Variants in SLC9A5 observed in about 807,000 individuals in gnomAD.
The protein encoded by SLC9A5 is sodium/hydrogen exchanger 5.
A neutral mutation model predicts 91.7 loss-of-function variants in SLC9A5; 52 were observed. The observed-to-expected ratio is 0.57, with a 90% CI of 0.45 to 0.71. The LOEUF (loss-of-function observed/expected upper bound fraction) is 0.71, where lower values mean the gene tolerates loss of function less well. Ranked by LOEUF, SLC9A5 falls within the 30% of genes least tolerant of loss-of-function variation. SLC9A5 has a pLI of 0.00. For missense variants in SLC9A5, 871 were observed against 1,158.9 expected, an observed-to-expected ratio of 0.75 and a Z score of 3.61; for synonymous variants, 419 against 474.5, an observed-to-expected ratio of 0.88 and a Z score of 1.52.
intron 15 of SLC9A5, among the ~76,000 whole-genome samples, chr16:67,267,490 T>G (rs914131588): frequency 1.3e-5 from 2 of 152,144 alleles, no homozygotes; most frequent in African/African-American, 4.8e-5. Context: ...CCCAAAATGC[T>G]GGGATTGCAG....
rs2035352745 is a variant in SLC9A5, at chr16:67,257,216, G to A, written c.1335+103G>A. ...CTTCTCTTCCCGCTGGGAGATGGAG[G>A]GCCCTGACTTCCCAGACCTTGAGTG... is the stretch of plus-strand genomic sequence containing the variant. On this transcript the variant is annotated intron_variant, in intron 7 of 15. Coordinates refer to ENST00000299798, the MANE Select transcript of SLC9A5 (RefSeq NM_004594.3). The surrounding 1 kb of genome is among the most constrained non-coding windows in gnomAD (Gnocchi z 5.1). 3 of 1,396,988 alleles carry A rather than the reference G, an allele frequency of 2.1e-6. No homozygotes were observed. The highest frequency in any genetic ancestry group is 3.0e-6 in the Non-Finnish European group (3 of 1,005,108). The allele number at this position is 1,396,988 out of a possible 1,614,324, so 86.5% of individuals were successfully genotyped here.
Position 67,271,332 on chromosome 16 carries a change from C to A in SLC9A5, c.*122C>A. On this transcript the variant is annotated 3_prime_UTR_variant, in exon 16 of 16. Coordinates refer to ENST00000299798, the MANE Select transcript of SLC9A5 (RefSeq NM_004594.3). ...GGCCTGGGTTGAAGTAGTAATTGGG[C>A]TTCCTTGGAGCTAGTCAGAGGGGTC... is the stretch of plus-strand genomic sequence containing the variant. 3 of 876,046 alleles carry A rather than the reference C, an allele frequency of 3.4e-6. No individual in the cohort carries two copies. Among genetic ancestry groups the A allele is most frequent in the Non-Finnish European group, 3.5e-6 (2 of 565,434 alleles). 54.3% of individuals were successfully genotyped at this position (876,046 alleles called of 1,614,324 possible).
chr16:67,258,177 T>C lies in SLC9A5; in HGVS notation c.1497-141T>C. 1 of 743,728 alleles carries C rather than the reference T, an allele frequency of 1.3e-6. No individual in the cohort carries two copies. The highest frequency in any genetic ancestry group is 2.2e-6 in the Non-Finnish European group (1 of 450,010). 46.1% of individuals were successfully genotyped at this position (743,728 alleles called of 1,614,324 possible). A position where few individuals can be genotyped will look rare whatever the true frequency, so the allele number is the denominator to read the frequency against. ...TTGTAAATTCCATGAGGGCAGGGAC[T>C]AGCCTTGAGATTCTCTCTGGCTGAG... On this transcript the variant is annotated intron_variant, in intron 9 of 15. Transcript: ENST00000299798. The surrounding 1 kb of genome is among the most constrained non-coding windows in gnomAD (Gnocchi z 4.5).
Position 67,256,724 on chromosome 16 carries a change from TCCTGTCCCGCCCCTC to T in SLC9A5, c.1132+40_1132+54del. On this transcript the variant is annotated intron_variant, in intron 6 of 15. Transcript: ENST00000299798. The surrounding 1 kb of genome is among the most constrained non-coding windows in gnomAD (Gnocchi z 4.1). ...GCACCCTCTGCTTTCCCACTCTCCT[TCCTGTCCCGCCCCTC>T]CCTGCAGCTCATCTCCCTATCTGAG... The T allele has an allele frequency of 6.5e-7, 1 of 1,531,224 alleles. No individual in the cohort carries two copies. The allele number at this position is 1,531,224 out of a possible 1,614,324, so 94.9% of individuals were successfully genotyped here.
Position 67,252,675 on chromosome 16 carries a change from C to T in SLC9A5, c.321C>T (p.Phe107=). Residue 107 remains phenylalanine, a synonymous_variant, in exon 2 of 16, where the codon TTC becomes TTT. Transcript: ENST00000299798. The surrounding 1 kb of genome is among the most constrained non-coding windows in gnomAD (Gnocchi z 4.0). ...KAEYQLEPGT[F]FLFLLPPIVL... Reference sequence around the variant, plus strand: ...AGTACCAGCTGGAGCCAGGCACCTTCTTCCTCTTCCTGCTGCCTCCTATTG... The same window carrying T: ...AGTACCAGCTGGAGCCAGGCACCTTTTTCCTCTTCCTGCTGCCTCCTATTG... 1 of 1,614,268 alleles carries T rather than the reference C, an allele frequency of 6.2e-7. No homozygotes were observed. The highest frequency in any genetic ancestry group is 8.5e-7 in the Non-Finnish European group (1 of 1,180,052).
rs149615427 is a variant in SLC9A5 at position 67,252,178 on chromosome 16, G to T, written c.188-364G>T. On this transcript the variant is annotated intron_variant, in intron 1 of 15. Coordinates refer to ENST00000299798, the MANE Select transcript of SLC9A5 (RefSeq NM_004594.3). The surrounding 1 kb of genome is among the most constrained non-coding windows in gnomAD (Gnocchi z 4.0). Reference sequence around the variant, plus strand: ...CAGTCTTAGAAGGTTGGCCAGGCGCGGTGGCTCACACCTGTAATCCCAGCA... The same window carrying T: ...CAGTCTTAGAAGGTTGGCCAGGCGCTGTGGCTCACACCTGTAATCCCAGCA... Among the ~76,000 whole-genome samples the T allele has an allele frequency of 8.9e-3, 1,358 of 152,218 alleles. 11 individuals carry two copies. The highest frequency in any genetic ancestry group is 0.012 in the Non-Finnish European group (808 of 68,000).
intron 11 of SLC9A5, 38 bp downstream of exon 11, chr16:67,259,699 C>G (rs755697458): frequency 6.3e-7 from 1 of 1,599,640 alleles, no homozygotes; most frequent in Non-Finnish European, 8.6e-7. Flanking sequence ...TCATACTCCT[C>G]TCCATTGTGC....
Position 67,259,926 on chromosome 16 carries a change from C to T in SLC9A5, c.1822C>T (p.Leu608Phe), listed in dbSNP as rs2035468078. Residue 608 changes from leucine (L) to phenylalanine (F), a missense_variant, in exon 12 of 16, where the codon CTC (leucine) becomes TTC (phenylalanine). This residue lies in a region of SLC9A5 where 454 missense variants were observed against 718.3 expected (regional missense o/e 0.63). Transcript: ENST00000299798. Reference sequence around the variant, plus strand: ...GATGCATCATCTGCTCTGCGGAGGCCTCTACAAGCCGCGCCGTAGGGTGAG... The same window carrying T: ...GATGCATCATCTGCTCTGCGGAGGCTTCTACAAGCCGCGCCGTAGGGTGAG... Reference protein sequence around the residue: ...AVMHHLLCGGLYKPRRRYKAS... With the variant: ...AVMHHLLCGGFYKPRRRYKAS... The T allele has an allele frequency of 6.2e-7, 1 of 1,613,992 alleles. No individual in the cohort carries two copies. Among genetic ancestry groups the T allele is most frequent in the Non-Finnish European group, 8.5e-7 (1 of 1,179,986 alleles).
chr16:67,262,009 C>T (rs560550971), intron 12 of SLC9A5: 50 of 310,650 alleles, frequency 1.6e-4, no homozygotes, highest in Non-Finnish European at 2.5e-4. Flanking sequence ...CCAATCGGTT[C>T]ATGTGTAGTC....
chr16:67,256,947 G>A lies in SLC9A5; in HGVS notation c.1169G>A (p.Arg390Gln), dbSNP rs534800900. 15 of 1,614,078 alleles carry A rather than the reference G, an allele frequency of 9.3e-6. No homozygotes were observed. Among genetic ancestry groups the A allele is most frequent in the Admixed American group, 1.7e-5 (1 of 60,034 alleles). The change falls in exon 7 of 16, where the codon CGG (arginine) becomes CAG (glutamine). Residue 390 changes from arginine (R) to glutamine (Q), a missense_variant. Transcript: ENST00000299798. This position sits in a 1 kb window ranked among gnomAD's most constrained non-coding sequence, Gnocchi z 4.1. ...CAGACCTGGGTGCTGAATCAGTTCC[G>A]GCTAGTCCCTCTGGACAAGATTGAC... ...VLQTWVLNQF[R>Q]LVPLDKIDQV...
chr16:67,261,210 C>T (rs926480514), intron 12 of SLC9A5: 4 of 152,206 alleles, frequency 2.6e-5, no homozygotes, highest in African/African-American at 9.7e-5. Flanking sequence ...TGCTATTTCT[C>T]TTCCCACAGC....
chr16:67,270,859 C>A lies in SLC9A5; in HGVS notation c.2340C>A (p.Thr780=), dbSNP rs2035893536. 1 of 1,614,114 alleles carries A rather than the reference C, an allele frequency of 6.2e-7. No individual in the cohort carries two copies. Among genetic ancestry groups the A allele is most frequent in the Non-Finnish European group, 8.5e-7 (1 of 1,180,020 alleles). Residue 780 remains threonine (T), a synonymous_variant, in exon 16 of 16, where the codon ACC becomes ACA. Coordinates refer to ENST00000299798, the MANE Select transcript of SLC9A5 (RefSeq NM_004594.3). This position sits in a 1 kb window ranked among gnomAD's most constrained non-coding sequence, Gnocchi z 4.3. ...DLAVYVSSET[T]KIVPVDMQTG... ...CAGTGTACGTGTCCTCGGAAACCAC[C>A]AAGATTGTGCCTGTGGACATGCAGA...
In SLC9A5 at chr16:67,264,202, G is replaced by T. The variant is rs925075555; in HGVS notation, c.1843-150G>T. The T allele has an allele frequency of 2.0e-5, 13 of 662,788 alleles. No homozygotes were observed. In the South Asian group the frequency reaches 2.3e-4, roughly 12 times the overall value. The allele number at this position is 662,788 out of a possible 1,614,324, so 41.1% of individuals were successfully genotyped here. ...CAGGGTCTCTGGCTGGGTTCCTGTT[G>T]TATTTTTTGTTTTGTTTTTCAATCC... On this transcript the variant is annotated intron_variant, in intron 12 of 15. Transcript: ENST00000299798.
rs1370372020 is a variant in SLC9A5 at position 67,256,020 on chromosome 16, G to A, written c.911+90G>A. ...AGGGACACAGGCAGGAACTTCAGGA[G>A]TCCATAGGTTTCCCTGAGCCCTTGT... On this transcript the variant is annotated intron_variant, in intron 5 of 15. Coordinates refer to ENST00000299798, the MANE Select transcript of SLC9A5 (RefSeq NM_004594.3). This position sits in a 1 kb window ranked among gnomAD's most constrained non-coding sequence, Gnocchi z 4.1. 7.2e-7 allele frequency: 1 copy of A among 1,385,764 alleles called. No homozygotes were observed. The highest frequency in any genetic ancestry group is 1.4e-5 in the African/African-American group (1 of 70,002). 85.8% of individuals were successfully genotyped at this position (1,385,764 alleles called of 1,614,324 possible).
rs1351343813 is a variant in SLC9A5 at position 67,255,910 on chromosome 16, C to T, written c.891C>T (p.Ala297=). 1.1e-5 allele frequency: 17 copies of T among 1,613,504 alleles called. No homozygotes were observed. The highest frequency in any genetic ancestry group is 1.4e-5 in the Non-Finnish European group (16 of 1,179,890). The change falls in exon 5 of 16, where the codon GCC becomes GCT. Residue 297 remains alanine (A), a synonymous_variant. Coordinates refer to ENST00000299798, the MANE Select transcript of SLC9A5 (RefSeq NM_004594.3). This position sits in a 1 kb window ranked among gnomAD's most constrained non-coding sequence, Gnocchi z 4.9. The stretch of plus-strand genomic sequence containing the variant: ...CAGCCTACCTCACTGCTGAAATGGC[C>T]TCGCTCTCCGCCATTCTTGCGTGAG... ...AYAAYLTAEM[A]SLSAILAVTM...
At chr16:67,268,677 TA>T (rs1425423278) in intron 15 of SLC9A5, among the ~76,000 whole-genome samples, 1 of 48,534 alleles carries the variant, frequency 2.1e-5, no homozygotes, top group African/African-American at 1.2e-4. Flanking sequence ...TATATATATA[TA>T]TATATATATA....
At position 67,256,218 on chromosome 16, in the gene SLC9A5, G is replaced by A. The variant is rs900831776; in HGVS notation, c.912-251G>A. Among the ~76,000 whole-genome samples the A allele has an allele frequency of 2.0e-5, 3 of 152,184 alleles. No individual in the cohort carries two copies. The highest frequency in any genetic ancestry group is 7.2e-5 in the African/African-American group (3 of 41,446). The stretch of plus-strand genomic sequence containing the variant: ...TGGAGGCCGCAGCACTCCAGAAGGT[G>A]CATTAGAGAGCCCGCTAGTCAGAGC... On this transcript the variant is annotated intron_variant, in intron 5 of 15. Transcript: ENST00000299798. This position sits in a 1 kb window ranked among gnomAD's most constrained non-coding sequence, Gnocchi z 4.1.
chr16:67,265,953 C>T (rs1459370324), intron 14 of SLC9A5, 135 bp from the exon 15 acceptor site: 27 of 1,177,244 alleles, frequency 2.3e-5, no homozygotes, highest in Non-Finnish European at 3.1e-5. Context: ...GTGCTTGAAA[C>T]AGCCAGAGGA....
At chr16:67,250,726 TA>T (rs1449700632) in intron 1 of SLC9A5, among the ~76,000 whole-genome samples, 1 of 152,176 alleles carries the variant, frequency 6.6e-6, no homozygotes, top group Non-Finnish European at 1.5e-5. Context: ...AATATTTACA[TA>T]GAGCTCACTA....
Sources: gnomAD v4.1 joint callset for allele counts (sites outside exome capture counted in the v4.1 genomes callset) on GRCh38, gnomAD v4.1.1 for gene constraint, gnomAD v4.1.1 regional missense constraint, Gnocchi (gnomAD v3.1) non-coding constraint, MANE v1.5 for transcripts, NCBI Gene and HGNC (gene_info 2026-07-23, HGNC 2026-07-21) for gene names.